DNAJC13: variants seen among roughly 807,000 people sequenced by gnomAD.
DNAJC13 encodes dnaJ homolog subfamily C member 13.
A neutral mutation model predicts 290.5 loss-of-function variants in DNAJC13; 75 were observed. The ratio of observed to expected loss-of-function variants is 0.26; its 90% CI spans 0.21 to 0.31. The LOEUF is 0.31. Ranked by LOEUF, DNAJC13 falls within the 10% of genes least tolerant of loss-of-function variation. DNAJC13 has a pLI of 1.00. For synonymous variants in DNAJC13, 862 were observed against 892.0 expected (o/e 0.97, Z 0.60); for missense variants, 2,260 against 2,674.5 (o/e 0.85, Z 3.42).
intron 30 of DNAJC13, among the ~76,000 whole-genome samples, chr3:132,488,733 T>C (rs1193543220): frequency 6.6e-6 from 1 of 152,184 alleles, no homozygotes; most frequent in African/African-American, 2.4e-5. Context: ...CATTTTGCTT[T>C]CTTAAAGTTT....
At chr3:132,436,720 G>A (rs1042546888) in intron 2 of DNAJC13, among the ~76,000 whole-genome samples, 2 of 152,048 alleles carry the variant, frequency 1.3e-5, no homozygotes, top group African/African-American at 4.8e-5. Flanking sequence ...TCCTAGTGTA[G>A]GTACGAAGTA....
chr3:132,438,287 T>C (rs911311695), intron 2 of DNAJC13, among the ~76,000 whole-genome samples: 3 of 152,242 alleles, frequency 2.0e-5, no homozygotes, highest in African/African-American at 4.8e-5. Context: ...GTGATAGTTA[T>C]CATTTCATTG....
chr3:132,444,373 C>T (rs1359330796), intron 2 of DNAJC13, among the ~76,000 whole-genome samples: 2 of 152,150 alleles, frequency 1.3e-5, no homozygotes, highest in African/African-American at 4.8e-5. Flanking sequence ...ATATTGTCAT[C>T]TCAAAGTTCT....
chr3:132,512,296 T>C (rs1935799952), intron 44 of DNAJC13, among the ~76,000 whole-genome samples: 1 of 152,178 alleles, frequency 6.6e-6, no homozygotes, highest in Admixed American at 6.5e-5. Context: ...TTGACAGTTA[T>C]TCCCTATCAA....
chr3:132,518,390 TG>T (rs1935986768), intron 48 of DNAJC13, among the ~76,000 whole-genome samples: 1 of 152,218 alleles, frequency 6.6e-6, no homozygotes, highest in African/African-American at 2.4e-5. Context: ...CTGGCTCTGT[TG>T]CCCAGGCTGA....
At chr3:132,420,466 A>G (rs1167766092) in intron 1 of DNAJC13, among the ~76,000 whole-genome samples, 3 of 152,296 alleles carry the variant, frequency 2.0e-5, no homozygotes, top group East Asian at 3.9e-4. Context: ...GGAGTGGTCA[A>G]CAGAACCGAG....
At chr3:132,499,080 A>G (rs1935330091) in intron 36 of DNAJC13, 46 bp from the exon 37 acceptor site, 3 of 1,471,452 alleles carry the variant, frequency 2.0e-6, no homozygotes, top group Non-Finnish European at 2.8e-6. Context: ...CCACAACATA[A>G]TCAATTTTGT....
In DNAJC13 at chr3:132,499,955, G is replaced by T. The variant is rs1237406244; in HGVS notation, c.4416+147G>T. 10 of 683,684 alleles carry T rather than the reference G, an allele frequency of 1.5e-5. No individual in the cohort carries two copies. The African/African-American group carries it at 1.8e-4, about 13-fold the overall frequency. The allele number at this position is 683,684 out of a possible 1,614,324, so 42.4% of individuals were successfully genotyped here. On this transcript the variant is annotated intron_variant, in intron 38 of 55. Transcript: ENST00000260818. ...AAGTTTCTGATTCAGTGAGTCTGGG[G>T]TGGTGGCCTGAGAGTATGTTTTTAT...
intron 1 of DNAJC13, among the ~76,000 whole-genome samples, chr3:132,421,156 A>C (rs1334615467): frequency 1.3e-5 from 2 of 152,208 alleles, no homozygotes; most frequent in Non-Finnish European, 2.9e-5. Flanking sequence ...ATGTGAATGT[A>C]TGTGGTTCAT....
Position 132,489,031 on chromosome 3 carries a change from G to A in DNAJC13, c.3468+10G>A. ...TTTCAAGTCAGAAGAGGTAAGCCAG[G>A]TTAATCCTCTGAATACTTAACCCTG... On this transcript the variant is annotated intron_variant, in intron 31 of 55. Coordinates refer to ENST00000260818, the MANE Select transcript of DNAJC13 (RefSeq NM_015268.4). 1 of 1,609,084 alleles carries A rather than the reference G, an allele frequency of 6.2e-7. No homozygotes were observed. Among genetic ancestry groups the A allele is most frequent in the South Asian group, 1.1e-5 (1 of 90,884 alleles).
intron 54 of DNAJC13, among the ~76,000 whole-genome samples, chr3:132,529,703 C>T (rs1227256237): frequency 2.0e-5 from 3 of 149,304 alleles, no homozygotes; most frequent in Non-Finnish European, 3.0e-5. Flanking sequence ...AGGAGAATGG[C>T]GGGAACCCAG....
At chr3:132,465,055 A>C (rs531895469) in intron 17 of DNAJC13, among the ~76,000 whole-genome samples, 1 of 152,314 alleles carries the variant, frequency 6.6e-6, no homozygotes, top group Non-Finnish European at 1.5e-5. Flanking sequence ...CTGATATGAT[A>C]ACCTACCAAA....
chr3:132,491,115 C>A, intron 32 of DNAJC13, 64 bp downstream of exon 32: 1 of 1,333,670 alleles, frequency 7.5e-7, no homozygotes, highest in Non-Finnish European at 1.0e-6. Context: ...TCGCCATCTG[C>A]TTTGACTTCT....
Position 132,457,491 on chromosome 3 carries a change from T to C in DNAJC13, c.1449+123T>C, listed in dbSNP as rs1933649785. ...GTTTCTGTTTCATAAATTGTTCTCA[T>C]AGTTACTCAAACCTTTGTTTAGCAT... is the stretch of plus-strand genomic sequence containing the variant. On this transcript the variant is annotated intron_variant, in intron 13 of 55. Coordinates refer to ENST00000260818, the MANE Select transcript of DNAJC13 (RefSeq NM_015268.4). 6.5e-6 allele frequency: 5 copies of C among 765,140 alleles called. No homozygotes were observed. In the East Asian group the frequency reaches 1.1e-4, roughly 17 times the overall value. 47.4% of individuals were successfully genotyped at this position (765,140 alleles called of 1,614,324 possible).
chr3:132,455,098 G>C (rs1045903606), intron 9 of DNAJC13, among the ~76,000 whole-genome samples: 1 of 151,652 alleles, frequency 6.6e-6, no homozygotes, highest in Admixed American at 6.6e-5. Flanking sequence ...ATCGCAGGGA[G>C]AAAATCTTTG....
At chr3:132,504,060 T>C (rs1935508805) in intron 41 of DNAJC13, among the ~76,000 whole-genome samples, 1 of 152,060 alleles carries the variant, frequency 6.6e-6, no homozygotes, top group Non-Finnish European at 1.5e-5. Flanking sequence ...ATAAATGGAT[T>C]GATAGATTTG....
At chr3:132,464,483 AT>A (rs527865194) in intron 17 of DNAJC13, among the ~76,000 whole-genome samples, 2 of 152,076 alleles carry the variant, frequency 1.3e-5, no homozygotes, top group African/African-American at 4.8e-5. Context: ...TTTTAATTTT[AT>A]TTTTTGACTT....
chr3:132,528,093 G>T (rs1320506105), intron 53 of DNAJC13, 96 bp from the exon 54 acceptor site: 1 of 1,371,010 alleles, frequency 7.3e-7, no homozygotes, highest in Non-Finnish European at 1.0e-6. Flanking sequence ...GGTGCAACAG[G>T]CTGCCTTCCA....
rs778868675 is a variant in DNAJC13, at chr3:132,479,248, G to A, written c.2731G>A (p.Asp911Asn). The change falls in exon 25 of 56, where the codon GAT (aspartate) becomes AAT (asparagine). Residue 911 changes from aspartate (D) to asparagine (N), a missense_variant. Coordinates refer to ENST00000260818, the MANE Select transcript of DNAJC13 (RefSeq NM_015268.4). ...LERCTDKLER[D>N]RLILFLNKLI... ...ATAGTGCACAGATAAACTTGAACGA[G>A]ATAGGTTGATTCTCTTCCTTAACAA... 2.5e-6 allele frequency: 4 copies of A among 1,608,760 alleles called. No homozygotes were observed. The South Asian group carries it at 3.3e-5, about 13-fold the overall frequency.
Sources: gnomAD v4.1 joint callset for allele counts (sites outside exome capture counted in the v4.1 genomes callset) on GRCh38, gnomAD v4.1.1 for gene constraint, MANE v1.5 for transcripts, NCBI Gene and HGNC (gene_info 2026-07-23, HGNC 2026-07-21) for gene names.